The following NCOA3 variants were observed in gnomAD, a reference collection of about 807,000 sequenced individuals.
NCOA3 encodes CBP-interacting protein.
NCOA3 carries 51 observed loss-of-function variants against 158.8 expected under a neutral mutation model. The observed-to-expected ratio is 0.32, with a 90% CI of 0.26 to 0.41. The LOEUF (loss-of-function observed/expected upper bound fraction) is 0.41. NCOA3 is among the 10% of genes least tolerant of loss of function. The pLI, the probability that NCOA3 is intolerant of heterozygous loss-of-function variation, is 1.00. For synonymous variants in NCOA3, 537 were observed against 592.4 expected (o/e 0.91, Z 1.36); for missense variants, 1,510 against 1,746.6 (o/e 0.86, Z 2.41).
At chr20:47,578,909 A>G (rs984733621) in intron 1 of NCOA3, among the ~76,000 whole-genome samples, 1 of 152,200 alleles carries the variant, frequency 6.6e-6, no homozygotes, top group Non-Finnish European at 1.5e-5. Context: ...TTCATGTTCA[A>G]CAGTAAAAGA....
At chr20:47,556,047 G>C (rs1348058245) in intron 1 of NCOA3, among the ~76,000 whole-genome samples, 1 of 149,840 alleles carries the variant, frequency 6.7e-6, no homozygotes, top group African/African-American at 2.5e-5. Flanking sequence ...CAATTCTCCT[G>C]CCTCAGCCCC....
chr20:47,521,635 G>T (rs983369845), intron 1 of NCOA3, among the ~76,000 whole-genome samples: 1 of 151,582 alleles, frequency 6.6e-6, no homozygotes, highest in Non-Finnish European at 1.5e-5. Flanking sequence ...ATGAGTCAGG[G>T]TGGAGCAGGT....
chr20:47,616,116 C>T (rs1364435252), intron 2 of NCOA3, among the ~76,000 whole-genome samples: 4 of 148,598 alleles, frequency 2.7e-5, no homozygotes, highest in African/African-American at 7.3e-5. Context: ...CGAGATTGCA[C>T]CACTGCACTC....
chr20:47,592,577 CAA>C (rs772023597), intron 2 of NCOA3, among the ~76,000 whole-genome samples: 2 of 152,158 alleles, frequency 1.3e-5, no homozygotes, highest in African/African-American at 2.4e-5. Flanking sequence ...ACAGGTTTAT[CAA>C]AGTTATATAC....
chr20:47,599,295 G>C (rs2085817992), intron 2 of NCOA3, among the ~76,000 whole-genome samples: 1 of 152,150 alleles, frequency 6.6e-6, no homozygotes. Context: ...TAAATGTCCT[G>C]AATAGGTAAA....
intron 1 of NCOA3, among the ~76,000 whole-genome samples, chr20:47,502,614 G>A (rs1271525535): frequency 6.6e-6 from 1 of 152,040 alleles, no homozygotes; most frequent in African/African-American, 2.4e-5. Context: ...CGGTAAAAAG[G>A]CGTTTTACTA....
chr20:47,598,203 C>T (rs539461452), intron 2 of NCOA3, among the ~76,000 whole-genome samples: 7 of 141,742 alleles, frequency 4.9e-5, no homozygotes, highest in South Asian at 2.3e-4. Flanking sequence ...GCCAAGATCA[C>T]GCCACTGCAC....
intron 1 of NCOA3, among the ~76,000 whole-genome samples, chr20:47,564,231 T>TCTCACA (rs1227806743): frequency 6.6e-6 from 1 of 152,130 alleles, no homozygotes; most frequent in Non-Finnish European, 1.5e-5. Context: ...TAAACATTGT[T>TCTCACA]CTCACACATT....
At chr20:47,605,625 T>C (rs1395028835) in intron 2 of NCOA3, among the ~76,000 whole-genome samples, 4 of 152,154 alleles carry the variant, frequency 2.6e-5, no homozygotes, top group African/African-American at 4.8e-5. Flanking sequence ...GGTTTTCTTA[T>C]CTTGTGCATG....
rs1252574015 is a variant in NCOA3 at position 47,647,353 on chromosome 20, TGCAGGGCCA to T, written c.3539_3546+1del. ...CTTAGAATGCAGCTTCAGCAGAGGC[TGCAGGGCCA>T]GCAGGTAACCAGTCATGTGTTCTTC... On this transcript the variant is annotated inframe_deletion, in exon 18 of 23. Transcript: ENST00000371998. 1.2e-5 allele frequency: 19 copies of T among 1,613,878 alleles called. No individual in the cohort carries two copies. Among genetic ancestry groups the T allele is most frequent in the Non-Finnish European group, 1.4e-5 (17 of 1,179,890 alleles).
chr20:47,647,736 G>C (rs1433676083), intron 18 of NCOA3, among the ~76,000 whole-genome samples: 1 of 151,908 alleles, frequency 6.6e-6, no homozygotes, highest in Non-Finnish European at 1.5e-5. Context: ...CTTCTTTCTA[G>C]ATGTTTTATA....
intron 1 of NCOA3, among the ~76,000 whole-genome samples, chr20:47,514,695 GTTTTGTTTTGTTTTTTGCT>G (rs2146063472): frequency 8.5e-6 from 1 of 118,342 alleles, no homozygotes; most frequent in East Asian, 2.4e-4. Flanking sequence ...TTGTTTGTTT[GTTTTGTTTTGTTTTTTGCT>G]TTTTTTTTTT....
At chr20:47,601,504 CTT>C (rs958986501) in intron 2 of NCOA3, among the ~76,000 whole-genome samples, 7 of 152,110 alleles carry the variant, frequency 4.6e-5, no homozygotes, top group African/African-American at 1.7e-4. Flanking sequence ...AATTTTGTAA[CTT>C]AATTAAGAAA....
Position 47,636,297 on chromosome 20 carries a change from G to A in NCOA3, c.1911G>A (p.Leu637=), listed in dbSNP as rs1350147342. 1 of 1,614,092 alleles carries A rather than the reference G, an allele frequency of 6.2e-7. No homozygotes were observed. Among genetic ancestry groups the A allele is most frequent in the Non-Finnish European group, 8.5e-7 (1 of 1,180,032 alleles). ...CSSDDRGHSS[L]TNSPLDSSCK... ...CTGATGACCGGGGTCATTCCTCCTTGACCAACTCCCCCCTAGATTCAAGTT... is the reference window on the plus strand; with the variant it reads ...CTGATGACCGGGGTCATTCCTCCTTAACCAACTCCCCCCTAGATTCAAGTT... The change falls in exon 12 of 23, where the codon TTG becomes TTA. Residue 637 remains leucine (L), a synonymous_variant. Coordinates refer to ENST00000371998, the MANE Select transcript of NCOA3 (RefSeq NM_181659.3).
At chr20:47,507,682 G>C (rs1227541667) in intron 1 of NCOA3, among the ~76,000 whole-genome samples, 1 of 152,154 alleles carries the variant, frequency 6.6e-6, no homozygotes, top group Non-Finnish European at 1.5e-5. Context: ...GCAATGGCAC[G>C]ATCTTGGCTC....
intron 17 of NCOA3, among the ~76,000 whole-genome samples, chr20:47,644,846 C>T (rs1044867177): frequency 1.3e-4 from 19 of 151,930 alleles, no homozygotes; most frequent in African/African-American, 3.9e-4. Context: ...TACAGGCGCA[C>T]GCCACCACGC....
intron 10 of NCOA3, among the ~76,000 whole-genome samples, chr20:47,634,557 G>A (rs535499937): frequency 6.6e-6 from 1 of 152,228 alleles, no homozygotes; most frequent in Non-Finnish European, 1.5e-5. Flanking sequence ...TACTGTCTGG[G>A]TTGGTAGTGG....
intron 8 of NCOA3, among the ~76,000 whole-genome samples, chr20:47,631,755 C>T (rs1466852964): frequency 2.0e-5 from 3 of 152,176 alleles, no homozygotes; most frequent in Non-Finnish European, 4.4e-5. Flanking sequence ...GGACAAACAA[C>T]TTTCCTCATA....
At chr20:47,603,296 C>A (rs1395724439) in intron 2 of NCOA3, among the ~76,000 whole-genome samples, 1 of 152,256 alleles carries the variant, frequency 6.6e-6, no homozygotes, top group African/African-American at 2.4e-5. Flanking sequence ...CCTGACCCCC[C>A]TCACAGGACG....
Sources: gnomAD v4.1 joint callset for allele counts (sites outside exome capture counted in the v4.1 genomes callset) on GRCh38, gnomAD v4.1.1 for gene constraint, MANE v1.5 for transcripts, NCBI Gene and HGNC (gene_info 2026-07-23, HGNC 2026-07-21) for gene names.